The following DGKZ variants were observed in gnomAD, a reference collection of about 807,000 sequenced individuals.
DGKZ encodes the protein diacylglycerol kinase zeta, also known as DAG kinase zeta.
DGKZ carries 45 observed loss-of-function variants against 142.5 expected under a neutral mutation model. The ratio of observed to expected loss-of-function variants is 0.32; its 90% CI spans 0.25 to 0.40. The LOEUF is 0.40. DGKZ is among the 10% of genes least tolerant of loss of function. The pLI, the probability that DGKZ is intolerant of heterozygous loss-of-function variation, is 1.00. For missense variants in DGKZ, 755 were observed against 1,306.5 expected, an observed-to-expected ratio of 0.58 and a Z score of 6.51; for synonymous variants, 442 against 527.0, an observed-to-expected ratio of 0.84 and a Z score of 2.21.
rs373611263 is a variant in DGKZ, at chr11:46,372,179, G to A, written c.927+9G>A. 6.3e-6 allele frequency: 10 copies of A among 1,599,074 alleles called. No individual in the cohort carries two copies. The highest frequency in any genetic ancestry group is 5.1e-5 in the Admixed American group (3 of 58,970). On this transcript the variant is annotated intron_variant, in intron 10 of 30. Transcript: ENST00000527911. The surrounding 1 kb of genome is among the most constrained non-coding windows in gnomAD (Gnocchi z 5.9). ...AGAGTGGGGGCAACCAGGTGAACGC[G>A]GCCTTGCCTCTCAGCTAAGGGCTCG...
chr11:46,368,376 A>T, intron 4 of DGKZ: 1 of 424,222 alleles, frequency 2.4e-6, no homozygotes, highest in South Asian at 2.0e-5. Flanking sequence ...TGTCCAAACT[A>T]GTGCTTAGAA....
Position 46,367,260 on chromosome 11 carries a change from G to T in DGKZ, c.162-31G>T. 1.9e-6 allele frequency: 3 copies of T among 1,583,734 alleles called. No homozygotes were observed. Among genetic ancestry groups the T allele is most frequent in the Non-Finnish European group, 2.6e-6 (3 of 1,156,402 alleles). On this transcript the variant is annotated intron_variant, in intron 1 of 30. Transcript: ENST00000527911. This position sits in a 1 kb window ranked among gnomAD's most constrained non-coding sequence, Gnocchi z 4.1. ...AGGAAGTAGGGTCAGCAAGTGCTCA[G>T]CCCCCTCCTCAGCTGTCTTCTCCTC... is the stretch of plus-strand genomic sequence containing the variant.
upstream of DGKZ, chr11:46,345,364 A>T: frequency 7.4e-7 from 1 of 1,344,328 alleles, no homozygotes; most frequent in Non-Finnish European, 9.5e-7. This position sits in a 1 kb window ranked among gnomAD's most constrained non-coding sequence, Gnocchi z 4.1. Context: ...CCTCGACCCC[A>T]CCCCCGTCAG....
Position 46,367,571 on chromosome 11 carries a change from G to A in DGKZ, c.271-81G>A. On this transcript the variant is annotated intron_variant, in intron 2 of 30. Transcript: ENST00000527911. The surrounding 1 kb of genome is among the most constrained non-coding windows in gnomAD (Gnocchi z 4.1). Reference sequence around the variant, plus strand: ...GGGGCGCTGGAGTGGGTTTGTCTTGGGAGAGGGCGGGTGGGCGGGGGCTGA... The same window carrying A: ...GGGGCGCTGGAGTGGGTTTGTCTTGAGAGAGGGCGGGTGGGCGGGGGCTGA... 7.3e-7 allele frequency: 1 copy of A among 1,374,016 alleles called. No homozygotes were observed. The highest frequency in any genetic ancestry group is 1.4e-5 in the South Asian group (1 of 71,658). The allele number at this position is 1,374,016 out of a possible 1,614,324, so 85.1% of individuals were successfully genotyped here.
At chr11:46,378,968 C>T (rs761180801) in intron 27 of DGKZ, 23 bp from the exon 28 acceptor site, 57 of 1,516,578 alleles carry the variant, frequency 3.8e-5, no homozygotes, top group Non-Finnish European at 4.2e-5. Context: ...GAGGTCCAGC[C>T]CTGCCATGCC....
At chr11:46,361,666 G>A in intron 1 of DGKZ, 2 of 985,584 alleles carry the variant, frequency 2.0e-6, no homozygotes, top group Non-Finnish European at 2.4e-6. Flanking sequence ...GCCCGGCCTT[G>A]GGGACCCCAG....
At chr11:46,341,854 C>G (rs533972109) in intron 1 of DGKZ, among the ~76,000 whole-genome samples, 1 of 152,264 alleles carries the variant, frequency 6.6e-6, no homozygotes, top group Non-Finnish European at 1.5e-5. Context: ...TACTATGAGG[C>G]AGGCACTAGC....
chr11:46,334,302 G>A (rs1346677730), intron 1 of DGKZ, among the ~76,000 whole-genome samples: 1 of 152,228 alleles, frequency 6.6e-6, no homozygotes, highest in East Asian at 1.9e-4. Flanking sequence ...ACTTGGACTT[G>A]CTGTCCCTCT....
chr11:46,374,233 G>A lies in DGKZ; in HGVS notation c.1403G>A (p.Arg468Gln), dbSNP rs1944292827. The change falls in exon 15 of 31, where the codon CGA (arginine) becomes CAA (glutamine). Residue 468 changes from arginine (R) to glutamine (Q), a missense_variant and splice_region_variant. Transcript: ENST00000527911. ...GTCACCCTGGAGTTCCACGAGTCTC[G>A]AGGTTGGCAGCCTCCCACTGAGGCC... 1.9e-6 allele frequency: 3 copies of A among 1,613,958 alleles called. No homozygotes were observed. The highest frequency in any genetic ancestry group is 1.3e-5 in the African/African-American group (1 of 74,922).
Position 46,374,603 on chromosome 11 carries a change from G to T in DGKZ, c.1462-1G>T. The T allele has an allele frequency of 6.3e-7, 1 of 1,582,634 alleles. No individual in the cohort carries two copies. ...ATGGTGACGCCCTCTGTCTCCCACAGACAGCTTTCTCTGACTTCCTGATGG... is the reference window on the plus strand; with the variant it reads ...ATGGTGACGCCCTCTGTCTCCCACATACAGCTTTCTCTGACTTCCTGATGG... On this transcript the variant is annotated splice_acceptor_variant, in intron 16 of 30. Transcript: ENST00000527911. LOFTEE classifies it high-confidence loss of function.
intron 1 of DGKZ, among the ~76,000 whole-genome samples, chr11:46,353,295 AGG>A (rs1461390705): frequency 4.6e-5 from 7 of 152,188 alleles, no homozygotes; most frequent in Non-Finnish European, 1.0e-4. Context: ...CACTCTACTT[AGG>A]AGTACTCTTT....
chr11:46,363,404 G>C (rs1463726743), intron 1 of DGKZ, among the ~76,000 whole-genome samples: 2 of 152,230 alleles, frequency 1.3e-5, no homozygotes, highest in Non-Finnish European at 2.9e-5. Context: ...CCCGTGAGGG[G>C]CCAACTTGCA....
At chr11:46,376,455 G>T (rs540776383) in intron 23 of DGKZ, 58 bp downstream of exon 23, 1 of 1,613,928 alleles carries the variant, frequency 6.2e-7, no homozygotes, top group Admixed American at 1.7e-5. Context: ...GGGATCCCAG[G>T]TAGGGGCAGC....
At chr11:46,339,724 A>G (rs1940183854) in intron 1 of DGKZ, among the ~76,000 whole-genome samples, 3 of 152,198 alleles carry the variant, frequency 2.0e-5, no homozygotes, top group Admixed American at 2.0e-4. Flanking sequence ...TGAAGAACTT[A>G]TTTGGTGGCC....
intron 29 of DGKZ, 53 bp from the exon 30 acceptor site, chr11:46,379,416 A>T (rs554366196): frequency 1.3e-6 from 2 of 1,590,976 alleles, no homozygotes; most frequent in South Asian, 2.3e-5. Flanking sequence ...TGGGAGACAG[A>T]TGGGTGGATC....
chr11:46,369,690 C>T (rs1338375223), intron 5 of DGKZ, 140 bp downstream of exon 5: 26 of 1,189,212 alleles, frequency 2.2e-5, no homozygotes, highest in Non-Finnish European at 2.8e-5. Context: ...GTCTGCCATG[C>T]GGAGGCCTAA....
At chr11:46,352,289 T>G (rs4367921) in intron 1 of DGKZ, among the ~76,000 whole-genome samples, 3,039 of 152,274 alleles carry the variant, frequency 0.02, 108 homozygotes, top group African/African-American at 0.068. Context: ...CTGCAGTGCC[T>G]CTGGAGCGAC....
At chr11:46,336,835 G>T (rs1477762320) in intron 1 of DGKZ, among the ~76,000 whole-genome samples, 1 of 152,124 alleles carries the variant, frequency 6.6e-6, no homozygotes, top group African/African-American at 2.4e-5. Flanking sequence ...TCACAAGCAT[G>T]ACCCACTGCT....
upstream of DGKZ, chr11:46,345,696 T>C (rs1940545119): frequency 9.0e-7 from 1 of 1,107,846 alleles, no homozygotes; most frequent in Non-Finnish European, 1.2e-6. The surrounding 1 kb of genome is among the most constrained non-coding windows in gnomAD (Gnocchi z 4.1). Context: ...CATCCAGCAC[T>C]CTGCAGAGGC....
Sources: allele counts gnomAD v4.1 joint callset (sites outside exome capture counted in the v4.1 genomes callset), GRCh38; gene constraint gnomAD v4.1.1; non-coding constraint Gnocchi (gnomAD v3.1); transcripts MANE v1.5; gene names NCBI Gene and HGNC (gene_info 2026-07-23, HGNC 2026-07-21).